Variants in SLC7A1 observed in about 807,000 individuals in gnomAD.
The protein encoded by SLC7A1 is solute carrier family 7 member 1.
SLC7A1 carries 10 observed loss-of-function variants against 53.9 expected under a neutral mutation model. That is an observed-to-expected ratio of 0.19 (90% CI 0.11 to 0.31). The LOEUF (loss-of-function observed/expected upper bound fraction) is 0.31, where lower values mean the gene tolerates loss of function less well. Ranked by LOEUF, SLC7A1 falls within the 10% of genes least tolerant of loss-of-function variation. SLC7A1 has a pLI of 1.00. For synonymous variants in SLC7A1, 342 were observed against 338.7 expected, an observed-to-expected ratio of 1.01 and a Z score of -0.11; for missense variants, 525 against 827.2, an observed-to-expected ratio of 0.63 and a Z score of 4.48.
intron 1 of SLC7A1, among the ~76,000 whole-genome samples, chr13:29,556,386 T>C (rs559702690): frequency 6.6e-6 from 1 of 151,532 alleles, no homozygotes; most frequent in East Asian, 1.9e-4. Context: ...TTTAATTTTC[T>C]TTTTTTTTAG....
At chr13:29,531,315 C>CAT (rs201656005) in intron 4 of SLC7A1, among the ~76,000 whole-genome samples, 1 of 146,064 alleles carries the variant, frequency 6.8e-6, no homozygotes, top group Non-Finnish European at 1.5e-5. Flanking sequence ...TGCAAACTCA[C>CAT]GTTTTTTTTT....
At chr13:29,588,612 C>G (rs1007509825) in intron 1 of SLC7A1, among the ~76,000 whole-genome samples, 1 of 151,652 alleles carries the variant, frequency 6.6e-6, no homozygotes, top group African/African-American at 2.4e-5. Context: ...CAAGTGATTC[C>G]TGTGTCTCAG....
intron 12 of SLC7A1, among the ~76,000 whole-genome samples, chr13:29,514,810 C>T (rs544383784): frequency 2.1e-4 from 32 of 152,360 alleles, no homozygotes; most frequent in South Asian, 6.2e-4. Flanking sequence ...TTCCTCTGGA[C>T]GGCCTTATGC....
chr13:29,595,079 G>A (rs918376961), intron 1 of SLC7A1, among the ~76,000 whole-genome samples: 20 of 152,140 alleles, frequency 1.3e-4, no homozygotes, highest in Admixed American at 7.9e-4. Context: ...CCCGTGCGTA[G>A]CGGCGCGCGG....
At chr13:29,536,354 G>C (rs1869420253) in intron 2 of SLC7A1, among the ~76,000 whole-genome samples, 152 bp from the exon 3 acceptor site, 1 of 152,138 alleles carries the variant, frequency 6.6e-6, no homozygotes, top group African/African-American at 2.4e-5. Flanking sequence ...ACCATCAATT[G>C]TCAGAAGCAC....
chr13:29,522,367 T>A lies in SLC7A1; in HGVS notation c.1139A>T (p.Asp380Val), dbSNP rs1868668355. The A allele has an allele frequency of 6.2e-7, 1 of 1,614,192 alleles. No homozygotes were observed. The highest frequency in any genetic ancestry group is 8.5e-7 in the Non-Finnish European group (1 of 1,180,036). ...LLFKFLANVNDRTKTPIIATL... is the reference protein window; with the variant it reads ...LLFKFLANVNVRTKTPIIATL... ...GGCGATTATTGGTGTTTTGGTCCTA[T>A]CATTGACGTTGGCTAAGAATTTAAA... Residue 380 changes from aspartate (D) to valine (V), a missense_variant, in exon 8 of 13, where the codon GAT (aspartate) becomes GTT (valine). By Grantham distance (152) the Asp-to-Val change is radical (BLOSUM62 -3). Transcript: ENST00000380752.
chr13:29,517,060 G>C, intron 11 of SLC7A1, 84 bp downstream of exon 11: 1 of 1,362,008 alleles, frequency 7.3e-7, no homozygotes, highest in Non-Finnish European at 9.9e-7. Flanking sequence ...ACCCAGGCCC[G>C]GCTGAGCCCA....
chr13:29,576,195 G>A (rs1204546798), intron 1 of SLC7A1, among the ~76,000 whole-genome samples: 1 of 150,230 alleles, frequency 6.7e-6, no homozygotes, highest in African/African-American at 2.5e-5. Context: ...AGGAAGCTGA[G>A]GCAGGAGGAT....
intron 1 of SLC7A1, among the ~76,000 whole-genome samples, chr13:29,571,713 G>T (rs562681072): frequency 6.6e-6 from 1 of 152,358 alleles, no homozygotes; most frequent in South Asian, 2.1e-4. Context: ...GGCGGAAAAG[G>T]ATTGCCCAGT....
chr13:29,574,492 C>T (rs916616757), intron 1 of SLC7A1, among the ~76,000 whole-genome samples: 4 of 152,208 alleles, frequency 2.6e-5, no homozygotes, highest in Non-Finnish European at 5.9e-5. Flanking sequence ...CCTGTAGGAG[C>T]TCACCCAATA....
intron 1 of SLC7A1, among the ~76,000 whole-genome samples, chr13:29,581,684 C>A (rs775338684): frequency 6.6e-6 from 1 of 152,212 alleles, no homozygotes; most frequent in Non-Finnish European, 1.5e-5. Flanking sequence ...GCTCTGGCAG[C>A]GCCATGCCTG....
intron 3 of SLC7A1, among the ~76,000 whole-genome samples, chr13:29,533,736 T>C (rs1185527512): frequency 1.3e-5 from 2 of 152,194 alleles, no homozygotes; most frequent in Non-Finnish European, 2.9e-5. Context: ...ATGCCAACAA[T>C]AGTTGGCTGC....
chr13:29,577,310 A>G (rs1871449803), intron 1 of SLC7A1, among the ~76,000 whole-genome samples: 1 of 152,136 alleles, frequency 6.6e-6, no homozygotes, highest in Admixed American at 6.5e-5. Context: ...CCACCCAACT[A>G]GGTCAGGGTT....
chr13:29,542,411 C>A (rs916660336), intron 2 of SLC7A1, among the ~76,000 whole-genome samples: 1 of 152,216 alleles, frequency 6.6e-6, no homozygotes, highest in East Asian at 1.9e-4. Context: ...GCCGAGATCA[C>A]GCCATTGCAC....
At chr13:29,571,450 C>T (rs376343123) in intron 1 of SLC7A1, among the ~76,000 whole-genome samples, 26 of 152,198 alleles carry the variant, frequency 1.7e-4, no homozygotes, top group African/African-American at 5.3e-4. Flanking sequence ...AAGCCCTTGG[C>T]GGTGCCTGAA....
At chr13:29,525,839 C>T (rs1868860574) in intron 5 of SLC7A1, among the ~76,000 whole-genome samples, 1 of 152,224 alleles carries the variant, frequency 6.6e-6, no homozygotes, top group Non-Finnish European at 1.5e-5. Context: ...CAAAACCAAG[C>T]ATCCCAGGAC....
chr13:29,532,302 C>T (rs1869197488), intron 4 of SLC7A1, among the ~76,000 whole-genome samples: 1 of 152,226 alleles, frequency 6.6e-6, no homozygotes, highest in African/African-American at 2.4e-5. Context: ...TTTTCAAATT[C>T]TGTAACCACA....
At chr13:29,544,183 A>G (rs1434856882) in intron 2 of SLC7A1, among the ~76,000 whole-genome samples, 2 of 152,254 alleles carry the variant, frequency 1.3e-5, no homozygotes, top group Admixed American at 1.3e-4. Flanking sequence ...TCTGTTGCTG[A>G]AATGGTTTGC....
chr13:29,589,074 G>A (rs541701570), intron 1 of SLC7A1, among the ~76,000 whole-genome samples: 5 of 152,138 alleles, frequency 3.3e-5, no homozygotes, highest in Non-Finnish European at 4.4e-5. Context: ...TGGGGAAGAC[G>A]GGCCCTTGCT....
Sources: allele counts gnomAD v4.1 joint callset (sites outside exome capture counted in the v4.1 genomes callset), GRCh38; gene constraint gnomAD v4.1.1; transcripts MANE v1.5; gene names NCBI Gene and HGNC (gene_info 2026-07-23, HGNC 2026-07-21).